Variants in GAS7 observed in about 807,000 individuals in gnomAD.
GAS7 encodes the protein growth arrest-specific protein 7.
GAS7 carries 28 observed loss-of-function variants against 71.1 expected under a neutral mutation model. The observed-to-expected ratio is 0.39, with a 90% confidence interval of 0.29 to 0.54. The LOEUF (loss-of-function observed/expected upper bound fraction) is 0.54. Among genes scored for constraint, GAS7 ranks in the 20% least tolerant of loss-of-function variants. The pLI, the probability that GAS7 is intolerant of heterozygous loss-of-function variation, is 0.62. For synonymous variants in GAS7, 258 were observed against 245.8 expected (o/e 1.05, Z -0.46); for missense variants, 436 against 627.8 (o/e 0.69, Z 3.27).
chr17:10,115,143 C>T (rs1185973891), intron 1 of GAS7, among the ~76,000 whole-genome samples: 1 of 152,232 alleles, frequency 6.6e-6, no homozygotes, highest in East Asian at 1.9e-4. Flanking sequence ...ATGTGGAAAG[C>T]ATTAACCCAA....
chr17:9,966,301 C>A (rs573086483), intron 4 of GAS7, among the ~76,000 whole-genome samples: 12 of 151,970 alleles, frequency 7.9e-5, no homozygotes, highest in Admixed American at 2.0e-4. Flanking sequence ...ACCGCCCCCT[C>A]CCCCCAAAAT....
chr17:10,076,102 T>C (rs879560200), intron 1 of GAS7, among the ~76,000 whole-genome samples: 8 of 58,988 alleles, frequency 1.4e-4, no homozygotes, highest in Non-Finnish European at 2.3e-4. Flanking sequence ...GAAGGGAAAG[T>C]GGAGGGGAAG....
At chr17:10,157,939 T>C (rs2074217173) in intron 1 of GAS7, among the ~76,000 whole-genome samples, 1 of 152,170 alleles carries the variant, frequency 6.6e-6, no homozygotes, top group African/African-American at 2.4e-5. Flanking sequence ...GCCCAGGAGA[T>C]TGAGGTTCCA....
chr17:10,139,386 T>C (rs1205768716), intron 1 of GAS7, among the ~76,000 whole-genome samples: 3 of 152,202 alleles, frequency 2.0e-5, no homozygotes, highest in African/African-American at 4.8e-5. Context: ...TGTAGAGATA[T>C]TATGTTCCTG....
intron 1 of GAS7, among the ~76,000 whole-genome samples, chr17:10,028,316 G>GT (rs1292960820): frequency 1.3e-5 from 2 of 152,078 alleles, no homozygotes; most frequent in Non-Finnish European, 2.9e-5. Flanking sequence ...AGAGACTGCA[G>GT]TAAGCTATGA....
intron 2 of GAS7, among the ~76,000 whole-genome samples, chr17:9,991,097 A>G (rs1271630712): frequency 6.6e-6 from 1 of 152,192 alleles, no homozygotes; most frequent in Non-Finnish European, 1.5e-5. Flanking sequence ...ACAGACACTA[A>G]GAACAACAAT....
chr17:10,152,907 G>A (rs1448077151), intron 1 of GAS7, among the ~76,000 whole-genome samples: 2 of 151,966 alleles, frequency 1.3e-5, no homozygotes, highest in African/African-American at 4.8e-5. Context: ...AGAAATCAAT[G>A]AGAAACCTGG....
intron 2 of GAS7, among the ~76,000 whole-genome samples, chr17:10,016,160 C>T (rs947331055): frequency 3.3e-5 from 5 of 150,218 alleles, no homozygotes; most frequent in Admixed American, 6.6e-5. Context: ...CCGAGGCAGG[C>T]GGATCACAAG....
At chr17:10,194,746 G>T (rs1335284503) in intron 1 of GAS7, among the ~76,000 whole-genome samples, 1 of 151,980 alleles carries the variant, frequency 6.6e-6, no homozygotes, top group East Asian at 1.9e-4. Context: ...GGCCGAGGCG[G>T]GTGGATCACA....
rs530294360 is a variant in GAS7, at chr17:9,913,337, G to A, written c.*3891C>T. The stretch of plus-strand genomic sequence containing the variant: ...CCGACCTACACAAGGAATGCATCTT[G>A]AGCCTTCTGTTTAAACACTCCTTGT... On this transcript the variant is annotated 3_prime_UTR_variant, in exon 14 of 14. Coordinates refer to ENST00000432992, the MANE Select transcript of GAS7 (RefSeq NM_201433.2). 13 of 232,726 alleles carry A rather than the reference G, an allele frequency of 5.6e-5. No individual in the cohort carries two copies. The highest frequency in any genetic ancestry group is 7.7e-5 in the Non-Finnish European group (9 of 117,442). 14.4% of individuals were successfully genotyped at this position (232,726 alleles called of 1,614,324 possible). A position where few individuals can be genotyped will look rare whatever the true frequency, so the allele number is the denominator to read the frequency against.
chr17:10,120,169 G>A (rs996259458), intron 1 of GAS7, among the ~76,000 whole-genome samples: 14 of 126,348 alleles, frequency 1.1e-4, no homozygotes, highest in Non-Finnish European at 1.9e-4. Context: ...TCCATATCCA[G>A]CTGGAAGTGC....
chr17:9,911,028 C>T lies in GAS7; in HGVS notation c.*6200G>A, dbSNP rs1426862738. The T allele has an allele frequency of 2.1e-5, 5 of 233,070 alleles. No homozygotes were observed. The highest frequency in any genetic ancestry group is 3.6e-4 in the South Asian group (2 of 5,510). The allele number at this position is 233,070 out of a possible 1,614,324, so 14.4% of individuals were successfully genotyped here. A position where few individuals can be genotyped will look rare whatever the true frequency, so the allele number is the denominator to read the frequency against. Reference sequence around the variant, plus strand: ...CTTTCATAGGGTTTGCCGATGTGCTCGTGTCTGTGAAGGGGTTGCTTCCGG... The same window carrying T: ...CTTTCATAGGGTTTGCCGATGTGCTTGTGTCTGTGAAGGGGTTGCTTCCGG... On this transcript the variant is annotated 3_prime_UTR_variant, in exon 14 of 14. Transcript: ENST00000432992. The surrounding 1 kb of genome is among the most constrained non-coding windows in gnomAD (Gnocchi z 4.0).
rs979666390 is a variant in GAS7, at chr17:10,120,294, T to C, written c.183+77914A>G. On this transcript the variant is annotated intron_variant, in intron 1 of 13. Coordinates refer to ENST00000432992, the MANE Select transcript of GAS7 (RefSeq NM_201433.2). ...TGCAGAAATGCTTCCGCTCTCATCT[T>C]CCTCAAAAGTTGGGAGGATTTGAGA... 2.6e-5 allele frequency among the ~76,000 whole-genome samples: 4 copies of C among 152,186 alleles called. 1 individual carries two copies. Among genetic ancestry groups the C allele is most frequent in the Admixed American group, 2.6e-4 (4 of 15,278 alleles).
intron 2 of GAS7, among the ~76,000 whole-genome samples, chr17:9,987,949 C>G (rs1207434609): frequency 6.6e-6 from 1 of 152,248 alleles, no homozygotes; most frequent in African/African-American, 2.4e-5. Context: ...CCAGTGGCCT[C>G]CTGCTGGGGC....
At chr17:10,146,665 C>T (rs1346829069) in intron 1 of GAS7, among the ~76,000 whole-genome samples, 1 of 152,136 alleles carries the variant, frequency 6.6e-6, no homozygotes, top group Non-Finnish European at 1.5e-5. Context: ...ATGAAACAGG[C>T]TAAACCATGC....
At chr17:9,967,735 T>C (rs1021396894) in intron 4 of GAS7, among the ~76,000 whole-genome samples, 1 of 152,224 alleles carries the variant, frequency 6.6e-6, no homozygotes, top group African/African-American at 2.4e-5. Flanking sequence ...TCATCCCTTT[T>C]ACCCATCCCC....
chr17:9,939,627 T>G (rs2068526381), intron 8 of GAS7, among the ~76,000 whole-genome samples: 1 of 151,282 alleles, frequency 6.6e-6, no homozygotes, highest in Non-Finnish European at 1.5e-5. Flanking sequence ...TTTTTTTTTT[T>G]GAGACGGAGT....
At chr17:9,931,933 C>T (rs2068222813) in intron 9 of GAS7, among the ~76,000 whole-genome samples, 3 of 152,212 alleles carry the variant, frequency 2.0e-5, no homozygotes, top group South Asian at 4.1e-4. Context: ...TATGGGATCC[C>T]AAAGCAGGGA....
At chr17:9,918,202 G>C in intron 12 of GAS7, 103 bp from the exon 13 acceptor site, 1 of 741,562 alleles carries the variant, frequency 1.3e-6, no homozygotes, top group Non-Finnish European at 2.3e-6. Context: ...TGGACATTCT[G>C]TCCCATCTGA....
Sources: gnomAD v4.1 joint callset for allele counts (sites outside exome capture counted in the v4.1 genomes callset) on GRCh38, gnomAD v4.1.1 for gene constraint, Gnocchi (gnomAD v3.1) non-coding constraint, MANE v1.5 for transcripts, NCBI Gene and HGNC (gene_info 2026-07-23, HGNC 2026-07-21) for gene names.